The following NOTCH1 variants were observed in gnomAD, a reference collection of about 807,000 sequenced individuals.
The protein encoded by NOTCH1 is notch receptor 1.
In NOTCH1, 37 loss-of-function variants were observed where a neutral mutation model predicts 254.8. That is an observed-to-expected ratio of 0.15 (90% CI 0.11 to 0.19). NOTCH1 has a LOEUF of 0.19. Ranked by LOEUF, NOTCH1 falls within the 10% of genes least tolerant of loss-of-function variation. The pLI is 1.00. For synonymous variants in NOTCH1, 1,731 were observed against 1,618.1 expected (o/e 1.07, Z -1.68); for missense variants, 2,972 against 3,708.6 (o/e 0.80, Z 5.16).
At chr9:136,535,859 A>T (rs1252382432) in intron 2 of NOTCH1, among the ~76,000 whole-genome samples, 4 of 49,592 alleles carry the variant, frequency 8.1e-5, no homozygotes, top group East Asian at 1.2e-3. Context: ...GATCCCTCCC[A>T]GGGGCAATGG....
intron 18 of NOTCH1, 91 bp from the exon 19 acceptor site, chr9:136,509,162 G>T: frequency 7.8e-7 from 1 of 1,280,846 alleles, no homozygotes; most frequent in Non-Finnish European, 1.1e-6. Flanking sequence ...CTCCCCTTCT[G>T]CTCAACCCTA....
intron 6 of NOTCH1, 131 bp downstream of exon 6, chr9:136,518,460 G>T (rs529559055): frequency 5.0e-4 from 558 of 1,114,222 alleles, no homozygotes; most frequent in Non-Finnish European, 6.6e-4. Context: ...GCGACCACCG[G>T]CCTCCCTGAC....
In NOTCH1 at chr9:136,506,810, G is replaced by A. The variant is rs1008389563; in HGVS notation, c.3807C>T (p.Asn1269=). 1.9e-5 allele frequency: 30 copies of A among 1,611,938 alleles called. No homozygotes were observed. The highest frequency in any genetic ancestry group is 1.2e-4 in the African/African-American group (9 of 74,898). Residue 1269 remains asparagine, a synonymous_variant, in exon 23 of 34, where the codon AAC becomes AAT. Coordinates refer to ENST00000651671, the MANE Select transcript of NOTCH1 (RefSeq NM_017617.5). The surrounding 1 kb of genome is among the most constrained non-coding windows in gnomAD (Gnocchi z 4.5). ...CGTCGCAGGGATTGGACAGGCACTC[G>A]TTGACATCCCCCTCACAGCGCTCAC... ...FVGERCEGDV[N]ECLSNPCDAR... is the part of the protein sequence containing the mutation.
intron 15 of NOTCH1, 118 bp from the exon 16 acceptor site, chr9:136,511,389 C>T: frequency 7.5e-7 from 1 of 1,339,090 alleles, no homozygotes; most frequent in Non-Finnish European, 1.0e-6. Flanking sequence ...CGCCGGGAGG[C>T]AAATGTGCAC....
intron 15 of NOTCH1, among the ~76,000 whole-genome samples, chr9:136,512,139 C>G (rs560662387): frequency 6.6e-6 from 1 of 152,360 alleles, no homozygotes; most frequent in South Asian, 2.1e-4. Flanking sequence ...CGCCGCTCCT[C>G]CTGCCGGCCC....
rs201215245 is a variant in NOTCH1, at chr9:136,505,865, G to C, written c.4031C>G (p.Thr1344Arg). The change falls in exon 25 of 34, where the codon ACG becomes AGG. Residue 1344 changes from threonine to arginine, a missense_variant. Physicochemically the swap from Thr to Arg is moderately conservative, Grantham distance 71. Around this residue, in one of 8 missense-constraint regions of NOTCH1, gnomAD observed 1,343 missense variants for 1,557.0 expected, o/e 0.86. Transcript: ENST00000651671. ...CKCPAGFEGA[T>R]CENDARTCGS... Reference sequence around the variant, plus strand: ...GCAGGTACGAGCGTCATTCTCACACGTGGCGCCCTCGAAGCCCTGCCCGAG... The same window carrying C: ...GCAGGTACGAGCGTCATTCTCACACCTGGCGCCCTCGAAGCCCTGCCCGAG... 33 of 1,592,770 alleles carry C rather than the reference G, an allele frequency of 2.1e-5. No homozygotes were observed. The highest frequency in any genetic ancestry group is 2.8e-5 in the Non-Finnish European group (33 of 1,177,540).
In NOTCH1 at chr9:136,502,285, A is replaced by T. The variant is rs2133330855; in HGVS notation, c.5371T>A (p.Ser1791Thr). 1 of 1,611,862 alleles carries T rather than the reference A, an allele frequency of 6.2e-7. No individual in the cohort carries two copies. Among genetic ancestry groups the T allele is most frequent in the Non-Finnish European group, 8.5e-7 (1 of 1,179,642 alleles). The change falls in exon 28 of 34, where the codon TCC becomes ACC. Residue 1791 changes from serine (S) to threonine (T), a missense_variant. Around this residue, in one of 8 missense-constraint regions of NOTCH1, gnomAD observed 421 missense variants for 604.4 expected, o/e 0.70. Transcript: ENST00000651671. ...GCGTCCGCTCACTTGAGGCCCACGG[A>T]GTCCTCGCCGAGGGGCTCCCGCCGC... is the stretch of plus-strand genomic sequence containing the variant. ...KKRREPLGEDSVGLKPLKNAS... is the reference protein window; with the variant it reads ...KKRREPLGEDTVGLKPLKNAS...
intron 2 of NOTCH1, among the ~76,000 whole-genome samples, chr9:136,530,821 C>A (rs1296942314): frequency 6.6e-6 from 1 of 152,190 alleles, no homozygotes; most frequent in Non-Finnish European, 1.5e-5. Context: ...CTGCACCCCA[C>A]GATGGCTCAG....
intron 2 of NOTCH1, among the ~76,000 whole-genome samples, chr9:136,539,657 T>C (rs1040896129): frequency 1.3e-5 from 2 of 152,212 alleles, no homozygotes; most frequent in African/African-American, 4.8e-5. Context: ...CTGCATGTTT[T>C]TAAACATGTT....
Position 136,523,065 on chromosome 9 carries a change from C to A in NOTCH1, c.527G>T (p.Arg176Leu). The A allele has an allele frequency of 1.3e-6, 2 of 1,579,214 alleles. No individual in the cohort carries two copies. Among genetic ancestry groups the A allele is most frequent in the Middle Eastern group, 1.7e-4 (1 of 6,008 alleles). ...CPPSFHGPTC[R>L]QDVNECGQKP... The stretch of plus-strand genomic sequence containing the variant: ...CTGGCCACACTCGTTGACATCCTGC[C>A]GGCAGGTGGGGCCATGGAAGCTGGG... The change falls in exon 4 of 34, where the codon CGG becomes CTG. Residue 176 changes from arginine (R) to leucine (L), a missense_variant. Physicochemically the swap from Arg to Leu is moderately radical, Grantham distance 102. This residue lies in a region of NOTCH1 where 374 missense variants were observed against 496.3 expected (regional missense o/e 0.75). Transcript: ENST00000651671.
intron 2 of NOTCH1, among the ~76,000 whole-genome samples, chr9:136,537,658 T>C (rs1376647493): frequency 6.6e-6 from 1 of 152,208 alleles, no homozygotes; most frequent in African/African-American, 2.4e-5. Flanking sequence ...TAGCTAGGCA[T>C]GGTGGTGCAC....
chr9:136,534,631 C>T (rs1015576698), intron 2 of NOTCH1, among the ~76,000 whole-genome samples: 11 of 152,090 alleles, frequency 7.2e-5, no homozygotes, highest in African/African-American at 9.7e-5. Context: ...CCTACTGTGG[C>T]GGCAGGCGCT....
chr9:136,499,442 G>C (rs1842964138), intron 31 of NOTCH1, among the ~76,000 whole-genome samples, 183 bp from the exon 32 acceptor site: 1 of 152,252 alleles, frequency 6.6e-6, no homozygotes, highest in African/African-American at 2.4e-5. Context: ...GGCCCGGATG[G>C]GGGCAGGGGC....
rs978130703 is a variant in NOTCH1, at chr9:136,525,507, G to A, written c.141-1528C>T. On this transcript the variant is annotated intron_variant, in intron 2 of 33. Transcript: ENST00000651671. ...CGGCCCGGGAAGGCAGCAGCCTCAC[G>A]GCTCAGGCCCTGGGTGGGCATGGCC... Among the ~76,000 whole-genome samples the A allele has an allele frequency of 2.6e-5, 4 of 152,298 alleles. No individual in the cohort carries two copies. In the East Asian group the frequency reaches 5.8e-4, roughly 22 times the overall value.
intron 27 of NOTCH1, 34 bp from the exon 28 acceptor site, chr9:136,502,522 A>T: frequency 1.4e-6 from 2 of 1,422,402 alleles, no homozygotes; most frequent in Non-Finnish European, 1.9e-6. Flanking sequence ...AGGTGCCCGG[A>T]CATCAGGCAG....
intron 16 of NOTCH1, 81 bp downstream of exon 16, chr9:136,511,071 T>C: frequency 1.9e-6 from 3 of 1,603,590 alleles, no homozygotes; most frequent in Non-Finnish European, 8.5e-7. Flanking sequence ...AAGACTCATC[T>C]AGCCTGCCTG....
At position 136,513,096 on chromosome 9, in the gene NOTCH1, T is replaced by G; in HGVS notation, c.2392A>C (p.Asn798His). Residue 798 changes from asparagine (N) to histidine (H), a missense_variant, in exon 15 of 34, where the codon AAC (asparagine) becomes CAC (histidine). Asn to His is a moderately conservative substitution (Grantham distance 68, BLOSUM62 1). Transcript: ENST00000651671. The surrounding 1 kb of genome is among the most constrained non-coding windows in gnomAD (Gnocchi z 4.7). ...CQTNINECAS[N>H]PCLNQGTCID... is the part of the protein sequence containing the mutation. ...CACGTGCCCTGGTTCAGACATGGGTTGGACGCACACTCGTTGATGTTGGTC... is the reference window on the plus strand; with the variant it reads ...CACGTGCCCTGGTTCAGACATGGGTGGGACGCACACTCGTTGATGTTGGTC... The G allele has an allele frequency of 1.9e-6, 3 of 1,612,936 alleles. 1 individual carries two copies. In the South Asian group the frequency reaches 3.3e-5, roughly 18 times the overall value.
Position 136,496,525 on chromosome 9 carries a change from T to G in NOTCH1, c.7214A>C (p.Gln2405Pro). 4 of 1,606,014 alleles carry G rather than the reference T, an allele frequency of 2.5e-6. No individual in the cohort carries two copies. The highest frequency in any genetic ancestry group is 3.4e-6 in the Non-Finnish European group (4 of 1,179,936). Residue 2405 changes from glutamine (Q) to proline (P), a missense_variant, in exon 34 of 34, where the codon CAG becomes CCG. Around this residue, in one of 8 missense-constraint regions of NOTCH1, gnomAD observed 529 missense variants for 529.2 expected, o/e 1.00. Transcript: ENST00000651671. ...TGGTGGTGGCGGCTGCAGGCTTTGC[T>G]GCTGCTGGATGTTTGCTGGCTGCAG... The part of the protein sequence containing the change: ...QNLQPANIQQ[Q>P]QSLQPPPPPP...
chr9:136,502,524 A>G (rs1480631591), intron 27 of NOTCH1, 36 bp from the exon 28 acceptor site: 1 of 1,410,268 alleles, frequency 7.1e-7, no homozygotes, highest in Admixed American at 2.5e-5. Flanking sequence ...GTGCCCGGAC[A>G]TCAGGCAGCG....
Sources: gnomAD v4.1 joint callset for allele counts (sites outside exome capture counted in the v4.1 genomes callset) on GRCh38, gnomAD v4.1.1 for gene constraint, gnomAD v4.1.1 regional missense constraint, Gnocchi (gnomAD v3.1) non-coding constraint, MANE v1.5 for transcripts, NCBI Gene and HGNC (gene_info 2026-07-23, HGNC 2026-07-21) for gene names.